The following FAM20B variants were observed in gnomAD, a reference collection of about 807,000 sequenced individuals.
The protein encoded by FAM20B is glycosaminoglycan xylosylkinase.
In FAM20B, 23 loss-of-function variants were observed where a neutral mutation model predicts 43.8. The observed-to-expected ratio is 0.53, with a 90% CI of 0.38 to 0.74. The LOEUF is 0.74. FAM20B is among the 30% of genes least tolerant of loss of function. The probability of loss-of-function intolerance (pLI) is 0.00; values close to 1 mark genes in which losing one functional copy is unlikely to be tolerated. For synonymous variants in FAM20B, 178 were observed against 192.4 expected, an observed-to-expected ratio of 0.93 and a Z score of 0.62; for missense variants, 440 against 510.5, an observed-to-expected ratio of 0.86 and a Z score of 1.33.
intron 1 of FAM20B, among the ~76,000 whole-genome samples, chr1:179,036,389 C>T (rs1001272372): frequency 6.6e-6 from 1 of 152,052 alleles, no homozygotes; most frequent in African/African-American, 2.4e-5. Flanking sequence ...AGTTTCTGTT[C>T]TGCATAACAG....
At chr1:179,041,845 G>A (rs1650564458) in intron 1 of FAM20B, among the ~76,000 whole-genome samples, 1 of 152,142 alleles carries the variant, frequency 6.6e-6, no homozygotes, top group South Asian at 2.1e-4. Context: ...TTTGGGATAT[G>A]CAAAAGTCCT....
At chr1:179,040,841 G>T (rs1650477484) in intron 1 of FAM20B, among the ~76,000 whole-genome samples, 1 of 151,062 alleles carries the variant, frequency 6.6e-6, no homozygotes, top group Non-Finnish European at 1.5e-5. Flanking sequence ...GGGCGGAGGG[G>T]CTCCTCACTT....
At chr1:179,056,425 A>G (rs1027425160) in intron 4 of FAM20B, among the ~76,000 whole-genome samples, 2 of 152,192 alleles carry the variant, frequency 1.3e-5, no homozygotes, top group African/African-American at 4.8e-5. Context: ...CTTTCACTTA[A>G]TAATACACAT....
At chr1:179,035,806 GTGTT>G (rs1650201741) in intron 1 of FAM20B, among the ~76,000 whole-genome samples, 1 of 151,972 alleles carries the variant, frequency 6.6e-6, no homozygotes, top group East Asian at 1.9e-4. Context: ...TAGGATGAGT[GTGTT>G]TGTGTGTGTG....
chr1:179,059,861 A>G (rs1572553668), intron 4 of FAM20B, among the ~76,000 whole-genome samples: 1 of 151,718 alleles, frequency 6.6e-6, no homozygotes, highest in African/African-American at 2.4e-5. Context: ...AATCCCAACT[A>G]CTTGGGAGGC....
chr1:179,065,948 A>G (rs1407037000), intron 6 of FAM20B, among the ~76,000 whole-genome samples: 3 of 152,118 alleles, frequency 2.0e-5, no homozygotes, highest in African/African-American at 4.8e-5. Flanking sequence ...GAAGAGGTAA[A>G]CACGCTCCCT....
At chr1:179,021,543 A>C (rs182934801), upstream of FAM20B, among the ~76,000 whole-genome samples, 51 of 152,296 alleles carry the variant, frequency 3.3e-4, no homozygotes, top group African/African-American at 1.0e-3. Context: ...CAAAGTGTAC[A>C]CTTTGGGGTA....
At chr1:179,045,751 T>A (rs1355616900) in intron 2 of FAM20B, among the ~76,000 whole-genome samples, 1 of 152,040 alleles carries the variant, frequency 6.6e-6, no homozygotes, top group Non-Finnish European at 1.5e-5. Flanking sequence ...CTGGGCGTGG[T>A]GGTGTGCACC....
intron 1 of FAM20B, among the ~76,000 whole-genome samples, chr1:179,034,057 G>C (rs1046893498): frequency 2.0e-5 from 3 of 152,102 alleles, no homozygotes; most frequent in Non-Finnish European, 4.4e-5. Context: ...GTATAGGCTG[G>C]GGTCACAACA....
At chr1:179,017,420 G>A in the FAM20B span, among the ~76,000 whole-genome samples, 59,521 of 152,082 alleles carry the variant, frequency 0.39, 11,914 homozygotes, top group African/African-American at 0.45. Context: ...GGCACTGTAC[G>A]GAGTGTTTTA....
In FAM20B at chr1:179,064,055, C is replaced by T. The variant is rs768868593; in HGVS notation, c.703C>T (p.Arg235Cys). ...AGATGTGTGGCCTCTGCAGAAGCAC[C>T]GTCACCCATGGGGCAGGACTTACCG... ...LPDVWPLQKH[R>C]HPWGRTYREG... Residue 235 changes from arginine (R) to cysteine (C), a missense_variant, in exon 5 of 8, where the codon CGT (arginine) becomes TGT (cysteine). By Grantham distance (180) the Arg-to-Cys change is radical (BLOSUM62 -3). Coordinates refer to ENST00000263733, the MANE Select transcript of FAM20B (RefSeq NM_014864.4). 13 of 1,613,778 alleles carry T rather than the reference C, an allele frequency of 8.1e-6. No individual in the cohort carries two copies. Among genetic ancestry groups the T allele is most frequent in the East Asian group, 2.2e-5 (1 of 44,890 alleles).
At chr1:179,042,216 G>C (rs1650578544) in intron 1 of FAM20B, among the ~76,000 whole-genome samples, 1 of 152,230 alleles carries the variant, frequency 6.6e-6, no homozygotes, top group African/African-American at 2.4e-5. Context: ...TACCTGCCAA[G>C]GGCAAGCCAG....
chr1:179,019,510 T>G, the FAM20B span, among the ~76,000 whole-genome samples: 1 of 151,504 alleles, frequency 6.6e-6, no homozygotes, highest in Non-Finnish European at 1.5e-5. Context: ...TTGCCCAGGC[T>G]GGAGTGCAAT....
At chr1:179,067,493 A>G (rs1176180634) in intron 7 of FAM20B, among the ~76,000 whole-genome samples, 1 of 152,144 alleles carries the variant, frequency 6.6e-6, no homozygotes, top group Non-Finnish European at 1.5e-5. Flanking sequence ...TATTCCAGCT[A>G]CTTAGGAGGT....
At position 179,076,408 on chromosome 1, in the gene FAM20B, CTT is replaced by C. The variant is rs1218738395; in HGVS notation, c.*4267_*4268del. 3.3e-5 allele frequency: 5 copies of C among 152,548 alleles called. No individual in the cohort carries two copies. Among genetic ancestry groups the C allele is most frequent in the African/African-American group, 9.7e-5 (4 of 41,448 alleles). 9.4% of individuals were successfully genotyped at this position (152,548 alleles called of 1,614,324 possible). ...GAAAGTGTGGGAGCCACTACCCTCT[CTT>C]TTGATCTGCCAAGGATTTCCTCTCA... On this transcript the variant is annotated 3_prime_UTR_variant, in exon 8 of 8. Coordinates refer to ENST00000263733, the MANE Select transcript of FAM20B (RefSeq NM_014864.4).
chr1:179,046,188 C>G (rs1650765088), intron 2 of FAM20B, among the ~76,000 whole-genome samples: 2 of 152,210 alleles, frequency 1.3e-5, no homozygotes, highest in African/African-American at 4.8e-5. Context: ...CTGCCACACA[C>G]ATGGAATTCT....
intron 7 of FAM20B, among the ~76,000 whole-genome samples, chr1:179,069,610 G>A (rs1291293862): frequency 2.0e-5 from 3 of 152,124 alleles, no homozygotes; most frequent in African/African-American, 7.2e-5. Context: ...GACCTCAGGT[G>A]ATCCGTCCGC....
chr1:179,032,169 A>G (rs1304882839), intron 1 of FAM20B, among the ~76,000 whole-genome samples: 1 of 152,126 alleles, frequency 6.6e-6, no homozygotes, highest in East Asian at 1.9e-4. Context: ...ATTATGGTAT[A>G]TTGATTCCAA....
intron 4 of FAM20B, among the ~76,000 whole-genome samples, chr1:179,061,549 A>G (rs12079974): frequency 0.091 from 13,893 of 152,022 alleles, 1,173 homozygotes; most frequent in African/African-American, 0.23. Context: ...GACTACAGGC[A>G]TGAGTCACCA....
Sources: gnomAD v4.1 joint callset for allele counts (sites outside exome capture counted in the v4.1 genomes callset) on GRCh38, gnomAD v4.1.1 for gene constraint, MANE v1.5 for transcripts, NCBI Gene and HGNC (gene_info 2026-07-23, HGNC 2026-07-21) for gene names.